AIFM2: variants seen among roughly 807,000 people sequenced by gnomAD.
AIFM2 encodes the protein AIF family member 2, ferroptosis suppressor.
In AIFM2, 38 loss-of-function variants were observed where a neutral mutation model predicts 35.7. The observed-to-expected ratio is 1.06, with a 90% CI of 0.82 to 1.39. The LOEUF (loss-of-function observed/expected upper bound fraction) is 1.39, where lower values mean the gene tolerates loss of function less well. AIFM2 is among the 40% of genes most tolerant of loss of function. The probability of loss-of-function intolerance (pLI) is 0.00; values close to 1 mark genes in which losing one functional copy is unlikely to be tolerated. For missense variants in AIFM2, 476 were observed against 491.2 expected (o/e 0.97, Z 0.29); for synonymous variants, 185 against 203.5 (o/e 0.91, Z 0.77).
chr10:70,116,685 T>C lies in AIFM2; in HGVS notation c.706A>G (p.Thr236Ala). The C allele has an allele frequency of 6.2e-7, 1 of 1,614,180 alleles. No individual in the cohort carries two copies. The highest frequency in any genetic ancestry group is 8.5e-7 in the Non-Finnish European group (1 of 1,180,038). ...VQTDKGTEVA[T>A]NLVILCTGIK... Reference sequence around the variant, plus strand: ...CCGGTGCAGAGAATCACCAGGTTGGTGGCCACCTCTGTGCCTTTGTCCGTC... The same window carrying C: ...CCGGTGCAGAGAATCACCAGGTTGGCGGCCACCTCTGTGCCTTTGTCCGTC... The change falls in exon 7 of 9, where the codon ACC becomes GCC. Residue 236 changes from threonine (T) to alanine (A), a missense_variant. By Grantham distance (58) the Thr-to-Ala change is moderately conservative. Transcript: ENST00000307864.
chr10:70,121,418 TG>T (rs1293153199), intron 3 of AIFM2, among the ~76,000 whole-genome samples: 1 of 151,920 alleles, frequency 6.6e-6, no homozygotes, highest in Admixed American at 6.6e-5. Context: ...CACTAGAACC[TG>T]GGGAAAGACC....
chr10:70,124,154 G>C, intron 1 of AIFM2, 57 bp from the exon 2 acceptor site: 1 of 1,317,254 alleles, frequency 7.6e-7, no homozygotes, highest in Non-Finnish European at 9.8e-7. Flanking sequence ...AGGGCTGGGA[G>C]GACCCACAGT....
chr10:70,115,491 G>A (rs1016856019), intron 7 of AIFM2, among the ~76,000 whole-genome samples: 1 of 152,270 alleles, frequency 6.6e-6, no homozygotes, highest in Non-Finnish European at 1.5e-5. Flanking sequence ...TGCAGGCCAG[G>A]TGTGGTGGCT....
intron 1 of AIFM2, among the ~76,000 whole-genome samples, chr10:70,130,471 G>A (rs901744129): frequency 1.3e-5 from 2 of 152,174 alleles, no homozygotes; most frequent in Non-Finnish European, 2.9e-5. Context: ...AGGTTCATCC[G>A]AGTTGTAGCA....
chr10:70,121,548 C>T lies in AIFM2; in HGVS notation c.295-337G>A, dbSNP rs547082127. The stretch of plus-strand genomic sequence containing the variant: ...GGGCTGCAGGATAGGACACTGCCCA[C>T]GGGAGTTAGCTCAGAACCTCCCGGG... On this transcript the variant is annotated intron_variant, in intron 3 of 8. Transcript: ENST00000307864. 3.3e-5 allele frequency among the ~76,000 whole-genome samples: 5 copies of T among 152,140 alleles called. No individual in the cohort carries two copies. In the East Asian group the frequency reaches 5.8e-4, roughly 18 times the overall value.
chr10:70,114,138 C>T lies in AIFM2; in HGVS notation c.*40G>A, dbSNP rs770290763. The T allele has an allele frequency of 3.3e-5, 52 of 1,591,262 alleles. No individual in the cohort carries two copies. The South Asian group carries it at 4.0e-4, about 12-fold the overall frequency. On this transcript the variant is annotated 3_prime_UTR_variant, in exon 9 of 9. Coordinates refer to ENST00000307864, the MANE Select transcript of AIFM2 (RefSeq NM_032797.6). ...GGTGCCATGCGCCAAGCAGTCCGTA[C>T]GCCCACCTGCTGCGGTAGTTCTCCC...
At chr10:70,123,801 G>T in intron 2 of AIFM2, 106 bp downstream of exon 2, 1 of 1,225,106 alleles carries the variant, frequency 8.2e-7, no homozygotes. Context: ...GTGGAATGCA[G>T]GCACTTGGCC....
At position 70,113,877 on chromosome 10, in the gene AIFM2, T is replaced by G; in HGVS notation, c.*301A>C. On this transcript the variant is annotated 3_prime_UTR_variant, in exon 9 of 9. Coordinates refer to ENST00000307864, the MANE Select transcript of AIFM2 (RefSeq NM_032797.6). Reference sequence around the variant, plus strand: ...ACATGCACATCCCAGAGGAGGCAGGTGCAGAGGAAGGGCTGGCTGTGGCCT... The same window carrying G: ...ACATGCACATCCCAGAGGAGGCAGGGGCAGAGGAAGGGCTGGCTGTGGCCT... 1 of 337,376 alleles carries G rather than the reference T, an allele frequency of 3.0e-6. No individual in the cohort carries two copies. The highest frequency in any genetic ancestry group is 5.5e-6 in the Non-Finnish European group (1 of 181,726). The allele number at this position is 337,376 out of a possible 1,614,324, so 20.9% of individuals were successfully genotyped here.
Position 70,116,869 on chromosome 10 carries a change from C to T in AIFM2, c.617-95G>A, listed in dbSNP as rs984098966. On this transcript the variant is annotated intron_variant, in intron 6 of 8. Coordinates refer to ENST00000307864, the MANE Select transcript of AIFM2 (RefSeq NM_032797.6). ...GGCTAACCCTGGGGAGGGCCTGGAC[C>T]TCTGGGGCCCAACTGGGCAATGGCT... 1.2e-5 allele frequency: 18 copies of T among 1,503,556 alleles called. No individual in the cohort carries two copies. The Admixed American group carries it at 2.6e-4, about 22-fold the overall frequency. The allele number at this position is 1,503,556 out of a possible 1,614,324, so 93.1% of individuals were successfully genotyped here.
Position 70,117,191 on chromosome 10 carries a change from G to C in AIFM2, c.617-417C>G, listed in dbSNP as rs947264202. On this transcript the variant is annotated intron_variant, in intron 6 of 8. Transcript: ENST00000307864. This position sits in a 1 kb window ranked among gnomAD's most constrained non-coding sequence, Gnocchi z 4.7. ...CAGCTCGCTACACTCACTGCCTAAA[G>C]TGACAGTGACGGCAGCACTCCACAG... 2.0e-5 allele frequency among the ~76,000 whole-genome samples: 3 copies of C among 152,222 alleles called. No individual in the cohort carries two copies. Among genetic ancestry groups the C allele is most frequent in the African/African-American group, 7.2e-5 (3 of 41,468 alleles).
chr10:70,117,395 G>C lies in AIFM2; in HGVS notation c.616+417C>G, dbSNP rs1387957813. On this transcript the variant is annotated intron_variant, in intron 6 of 8. Coordinates refer to ENST00000307864, the MANE Select transcript of AIFM2 (RefSeq NM_032797.6). The surrounding 1 kb of genome is among the most constrained non-coding windows in gnomAD (Gnocchi z 4.7). ...GTGGGTCTCGTCCCCTGCTCTACAA[G>C]AAGGCCACACTCCTCACCACTCTCA... 6.6e-6 allele frequency among the ~76,000 whole-genome samples: 1 copy of C among 152,180 alleles called. No homozygotes were observed. The highest frequency in any genetic ancestry group is 6.5e-5 in the Admixed American group (1 of 15,290).
intron 5 of AIFM2, 67 bp downstream of exon 5, chr10:70,120,440 A>T: frequency 1.3e-6 from 2 of 1,508,660 alleles, no homozygotes; most frequent in Non-Finnish European, 1.8e-6. Context: ...CAAATTCCTG[A>T]TGTTCCTAAG....
intron 2 of AIFM2, 142 bp downstream of exon 2, chr10:70,123,765 T>C: frequency 2.0e-6 from 2 of 992,070 alleles, no homozygotes; most frequent in South Asian, 1.8e-5. Context: ...CCAAAGACCT[T>C]GAGCTTCTCC....
At position 70,125,437 on chromosome 10, in the gene AIFM2, C is replaced by CAAAAA. The variant is rs199638586; in HGVS notation, c.-13-1345_-13-1341dup. ...GTAACATAGAGAGACTCTGTCTCTA[C>CAAAAA]AAAAAAAAAAAAAAAAAAAAAAAAA... is the stretch of plus-strand genomic sequence containing the variant. On this transcript the variant is annotated intron_variant, in intron 1 of 8. Transcript: ENST00000307864. Among the ~76,000 whole-genome samples the CAAAAA allele has an allele frequency of 4.0e-3, 271 of 67,936 alleles. 27 individuals carry two copies. Among genetic ancestry groups the CAAAAA allele is most frequent in the Non-Finnish European group, 5.9e-3 (224 of 38,170 alleles). The allele number at this position is 67,936 out of a possible 152,430, so 44.6% of individuals were successfully genotyped here. A position where few individuals can be genotyped will look rare whatever the true frequency, so the allele number is the denominator to read the frequency against.
At chr10:70,121,030 G>A in intron 4 of AIFM2, 62 bp downstream of exon 4, 2 of 1,570,958 alleles carry the variant, frequency 1.3e-6, no homozygotes, top group Non-Finnish European at 1.7e-6. Context: ...GCAGGCCTAG[G>A]CATCCCCAAG....
intron 7 of AIFM2, among the ~76,000 whole-genome samples, chr10:70,115,911 C>A (rs1303817335): frequency 6.6e-6 from 1 of 152,210 alleles, no homozygotes; most frequent in Admixed American, 6.5e-5. Context: ...ATTCTGGGAT[C>A]TCTGTCCATT....
In AIFM2 at chr10:70,117,383, C is replaced by T. The variant is rs188666062; in HGVS notation, c.616+429G>A. On this transcript the variant is annotated intron_variant, in intron 6 of 8. Transcript: ENST00000307864. The surrounding 1 kb of genome is among the most constrained non-coding windows in gnomAD (Gnocchi z 4.7). Reference sequence around the variant, plus strand: ...AGCATTTGCTGGGTGGGTCTCGTCCCCTGCTCTACAAGAAGGCCACACTCC... The same window carrying T: ...AGCATTTGCTGGGTGGGTCTCGTCCTCTGCTCTACAAGAAGGCCACACTCC... Among the ~76,000 whole-genome samples the T allele has an allele frequency of 1.3e-3, 193 of 152,306 alleles. 2 individuals carry two copies. Among genetic ancestry groups the T allele is most frequent in the African/African-American group, 4.4e-3 (182 of 41,566 alleles).
chr10:70,130,015 C>A (rs1445967676), intron 1 of AIFM2, among the ~76,000 whole-genome samples: 1 of 152,110 alleles, frequency 6.6e-6, no homozygotes, highest in African/African-American at 2.4e-5. Context: ...GAAACCCCAT[C>A]TCTACAAAAA....
Position 70,123,980 on chromosome 10 carries a change from GA to G in AIFM2, c.104del (p.Val35AlafsTer8). On this transcript the variant is annotated frameshift_variant, in exon 2 of 9. Coordinates refer to ENST00000307864, the MANE Select transcript of AIFM2 (RefSeq NM_032797.6). LOFTEE classifies it high-confidence loss of function. ...AAASQLQALN[V>X]PFMLVDMKDS... ...CCTTCATGTCCACCAGCATGAAGGG[GA>G]CGTTCAGGGCCTGCAGCTGGCTGGC... 6.2e-7 allele frequency: 1 copy of G among 1,613,212 alleles called. No individual in the cohort carries two copies. The highest frequency in any genetic ancestry group is 1.3e-5 in the African/African-American group (1 of 74,996).
Sources: gnomAD v4.1 joint callset for allele counts (sites outside exome capture counted in the v4.1 genomes callset) on GRCh38, gnomAD v4.1.1 for gene constraint, Gnocchi (gnomAD v3.1) non-coding constraint, MANE v1.5 for transcripts, NCBI Gene and HGNC (gene_info 2026-07-23, HGNC 2026-07-21) for gene names.